TTLL1: variants seen among roughly 807,000 people sequenced by gnomAD.
TTLL1 encodes the protein polyglutamylase complex subunit TTLL1.
TTLL1 carries 33 observed loss-of-function variants against 47.8 expected under a neutral mutation model. That is an observed-to-expected ratio of 0.69 (90% CI 0.52 to 0.92). The LOEUF (loss-of-function observed/expected upper bound fraction) is 0.92, where lower values mean the gene tolerates loss of function less well. Ranked by LOEUF, TTLL1 falls within the 40% of genes least tolerant of loss-of-function variation. The pLI, the probability that TTLL1 is intolerant of heterozygous loss-of-function variation, is 0.00. For missense variants in TTLL1, 488 were observed against 547.5 expected (o/e 0.89, Z 1.08); for synonymous variants, 225 against 214.1 (o/e 1.05, Z -0.45).
chr22:43,055,357 G>A (rs1425728205), intron 8 of TTLL1, among the ~76,000 whole-genome samples: 2 of 147,696 alleles, frequency 1.4e-5, no homozygotes, highest in Non-Finnish European at 3.0e-5. Context: ...TTTGAGACAA[G>A]GTCTCACTCT....
At chr22:43,067,766 G>C (rs1927833887) in intron 5 of TTLL1, among the ~76,000 whole-genome samples, 1 of 151,948 alleles carries the variant, frequency 6.6e-6, no homozygotes, top group South Asian at 2.1e-4. Context: ...GAGGTCAGGA[G>C]TTTGAGACCA....
intron 10 of TTLL1, among the ~76,000 whole-genome samples, chr22:43,045,682 T>C (rs1456392344): frequency 6.6e-6 from 1 of 151,844 alleles, no homozygotes; most frequent in African/African-American, 2.4e-5. Context: ...GTCACCCAGC[T>C]CTATGCGGCA....
intron 1 of TTLL1, among the ~76,000 whole-genome samples, chr22:43,080,550 C>T (rs1018861194): frequency 1.5e-4 from 22 of 151,584 alleles, no homozygotes; most frequent in Middle Eastern, 3.4e-3. Flanking sequence ...ATGTCACACA[C>T]CCCTCACTCC....
At chr22:43,054,315 A>T (rs976812112) in intron 8 of TTLL1, among the ~76,000 whole-genome samples, 1 of 152,198 alleles carries the variant, frequency 6.6e-6, no homozygotes, top group African/African-American at 2.4e-5. Context: ...ATCCTCTGTG[A>T]GCCAAAGACA....
chr22:43,046,736 C>T lies in TTLL1; in HGVS notation c.979-163G>A, dbSNP rs144746603. Among the ~76,000 whole-genome samples the T allele has an allele frequency of 2.4e-3, 358 of 152,254 alleles. 1 individual carries two copies. Among genetic ancestry groups the T allele is most frequent in the Non-Finnish European group, 4.1e-3 (276 of 68,008 alleles). ...CCAGGCTGGAGTGCAGTGGCGCAAT[C>T]TCGGTTCACTGCAACCTCCGCCTCC... On this transcript the variant is annotated intron_variant, in intron 9 of 10. Transcript: ENST00000266254.
In TTLL1 at chr22:43,039,910, A is replaced by G. The variant is rs369200882; in HGVS notation, c.1143-5T>C. On this transcript the variant is annotated splice_polypyrimidine_tract_variant and splice_region_variant and intron_variant, in intron 10 of 10. Coordinates refer to ENST00000266254, the MANE Select transcript of TTLL1 (RefSeq NM_012263.5). ...TGGGCCAATTCTTCATCATACCTGG[A>G]GACAGAAACAGCCAGGATCACGGCA... The G allele has an allele frequency of 4.3e-6, 7 of 1,612,690 alleles. No homozygotes were observed. The highest frequency in any genetic ancestry group is 5.9e-6 in the Non-Finnish European group (7 of 1,179,460).
chr22:43,045,408 T>G (rs942137118), intron 10 of TTLL1, among the ~76,000 whole-genome samples: 1 of 151,708 alleles, frequency 6.6e-6, no homozygotes, highest in South Asian at 2.1e-4. Context: ...TTCTGACACA[T>G]GACAAGCCCT....
chr22:43,080,893 G>A (rs891087038), intron 1 of TTLL1, among the ~76,000 whole-genome samples: 4 of 102,394 alleles, frequency 3.9e-5, no homozygotes, highest in African/African-American at 1.4e-4. Context: ...TGTTCCCAGT[G>A]TTGCATGACT....
At chr22:43,064,790 G>C (rs1210831513) in intron 5 of TTLL1, among the ~76,000 whole-genome samples, 2 of 152,040 alleles carry the variant, frequency 1.3e-5, no homozygotes, top group African/African-American at 4.8e-5. Flanking sequence ...CCACAGACTA[G>C]GGATAAACAG....
intron 1 of TTLL1, among the ~76,000 whole-genome samples, chr22:43,084,130 T>C (rs1311542572): frequency 6.6e-6 from 1 of 152,124 alleles, no homozygotes; most frequent in African/African-American, 2.4e-5. Flanking sequence ...AGAGTTCCTG[T>C]CTTCTGAAAA....
At chr22:43,042,126 CA>C (rs1011728227) in intron 10 of TTLL1, among the ~76,000 whole-genome samples, 1 of 152,196 alleles carries the variant, frequency 6.6e-6, no homozygotes, top group African/African-American at 2.4e-5. Flanking sequence ...CTTCCCTGGC[CA>C]GGGGGCTGCA....
chr22:43,050,071 TAGGCGA>T (rs1926491121), intron 9 of TTLL1, among the ~76,000 whole-genome samples: 1 of 151,384 alleles, frequency 6.6e-6, no homozygotes, highest in African/African-American at 2.4e-5. Flanking sequence ...CTCTCCAGCC[TAGGCGA>T]CAGAGTGAGA....
Position 43,046,494 on chromosome 22 carries a change from T to C in TTLL1, c.1058A>G (p.Asn353Ser). Residue 353 changes from asparagine (N) to serine (S), a missense_variant, in exon 10 of 11, where the codon AAC (asparagine) becomes AGC (serine). By Grantham distance (46) the Asn-to-Ser change is conservative (BLOSUM62 1). Transcript: ENST00000266254. ...LKYNLINDTL[N>S]IAVPNGEIPD... ...GATTTCACCATTCGGGACGGCGATGTTGAGGGTGTCATTAATCAGGTTGTA... is the reference window on the plus strand; with the variant it reads ...GATTTCACCATTCGGGACGGCGATGCTGAGGGTGTCATTAATCAGGTTGTA... The C allele has an allele frequency of 3.7e-6, 6 of 1,614,104 alleles. No individual in the cohort carries two copies. The highest frequency in any genetic ancestry group is 5.1e-6 in the Non-Finnish European group (6 of 1,180,010).
At chr22:43,081,319 C>T (rs1221040744) in intron 1 of TTLL1, among the ~76,000 whole-genome samples, 1 of 152,080 alleles carries the variant, frequency 6.6e-6, no homozygotes, top group Non-Finnish European at 1.5e-5. Context: ...ACAGGCAAGG[C>T]CCTCAGTAAA....
chr22:43,053,836 A>C (rs1335640103), intron 8 of TTLL1, among the ~76,000 whole-genome samples: 1 of 152,230 alleles, frequency 6.6e-6, no homozygotes, highest in Non-Finnish European at 1.5e-5. Context: ...CACCTGCCAG[A>C]GGGCCAGGCT....
At chr22:43,065,776 G>C (rs182909465) in intron 5 of TTLL1, among the ~76,000 whole-genome samples, 7 of 152,170 alleles carry the variant, frequency 4.6e-5, no homozygotes, top group African/African-American at 1.7e-4. Flanking sequence ...TCTGGTAGGG[G>C]ATGCTGATAA....
chr22:43,064,568 GA>G (rs1227112741), intron 5 of TTLL1, among the ~76,000 whole-genome samples: 1 of 150,350 alleles, frequency 6.7e-6, no homozygotes, highest in African/African-American at 2.4e-5. Context: ...CTGCTAAAAA[GA>G]AAAAAAATTA....
Position 43,056,695 on chromosome 22 carries a change from G to T in TTLL1, c.891+2689C>A, listed in dbSNP as rs530089192. Among the ~76,000 whole-genome samples, 118 of 151,834 alleles carry T rather than the reference G, an allele frequency of 7.8e-4. 1 individual carries two copies. Among genetic ancestry groups the T allele is most frequent in the Middle Eastern group, 3.4e-3 (1 of 292 alleles). On this transcript the variant is annotated intron_variant, in intron 8 of 10. Coordinates refer to ENST00000266254, the MANE Select transcript of TTLL1 (RefSeq NM_012263.5). Reference sequence around the variant, plus strand: ...AGCTACTTGGGAGGCTGAAGCAAGAGAATCTCTTGAACCCGGGAGGTGGAG... The same window carrying T: ...AGCTACTTGGGAGGCTGAAGCAAGATAATCTCTTGAACCCGGGAGGTGGAG...
At chr22:43,085,414 A>T (rs1416591408) in intron 1 of TTLL1, among the ~76,000 whole-genome samples, 1 of 152,180 alleles carries the variant, frequency 6.6e-6, no homozygotes, top group African/African-American at 2.4e-5. Flanking sequence ...CCCAATCTCA[A>T]CTTGACTTGT....
Sources: allele counts gnomAD v4.1 joint callset (sites outside exome capture counted in the v4.1 genomes callset), GRCh38; gene constraint gnomAD v4.1.1; transcripts MANE v1.5; gene names NCBI Gene and HGNC (gene_info 2026-07-23, HGNC 2026-07-21).